IBTK: variants seen among roughly 807,000 people sequenced by gnomAD.
IBTK encodes inhibitor of Bruton tyrosine kinase.
In IBTK, 83 loss-of-function variants were observed where a neutral mutation model predicts 154.9. The observed-to-expected ratio is 0.54, with a 90% CI of 0.45 to 0.64. The LOEUF is 0.64. Ranked by LOEUF, IBTK falls within the 30% of genes least tolerant of loss-of-function variation. The pLI, the probability that IBTK is intolerant of heterozygous loss-of-function variation, is 0.00. For missense variants in IBTK, 1,332 were observed against 1,584.6 expected (o/e 0.84, Z 2.71); for synonymous variants, 515 against 536.1 (o/e 0.96, Z 0.54).
intron 24 of IBTK, 81 bp from the exon 25 acceptor site, chr6:82,191,297 A>G (rs987448958): frequency 9.6e-5 from 101 of 1,054,566 alleles, no homozygotes; most frequent in Non-Finnish European, 1.3e-4. Flanking sequence ...TAGAAATTAT[A>G]TCAATTAACA....
At chr6:82,224,587 GT>G (rs1315074191) in intron 6 of IBTK, among the ~76,000 whole-genome samples, 1 of 152,140 alleles carries the variant, frequency 6.6e-6, no homozygotes, top group Non-Finnish European at 1.5e-5. Context: ...TGGGCTAGAT[GT>G]TTTTTTGTCG....
intron 25 of IBTK, among the ~76,000 whole-genome samples, chr6:82,188,632 G>A (rs1768640845): frequency 6.6e-6 from 1 of 152,030 alleles, no homozygotes; most frequent in Admixed American, 6.6e-5. Context: ...ATAGAAAAAG[G>A]TATCATCAAC....
At chr6:82,235,858 A>C (rs553347119) in intron 2 of IBTK, among the ~76,000 whole-genome samples, 12 of 151,960 alleles carry the variant, frequency 7.9e-5, no homozygotes, top group African/African-American at 2.4e-4. Flanking sequence ...TTTGTTCATT[A>C]ATTTTTGTTG....
rs16893967 is a variant in IBTK, at chr6:82,172,386, C to T, written c.3924G>A (p.Leu1308=). The change falls in exon 28 of 29, where the codon CTG becomes CTA. Residue 1308 remains leucine, a synonymous_variant. Transcript: ENST00000306270. The stretch of plus-strand genomic sequence containing the variant: ...TACTAAGTATGTTATTTACCTGAAT[C>T]AGAGCCAACGGTTTTTCTCGACTTC... ...LIRSREKPLA[L]IQIEEHAIQD... is the part of the protein sequence containing the mutation. The T allele has an allele frequency of 2.6e-3, 4,128 of 1,612,938 alleles. 48 individuals are homozygous for T. In the African/African-American group the frequency reaches 0.032, roughly 12 times the overall value.
At chr6:82,183,041 G>A (rs529830601) in intron 25 of IBTK, among the ~76,000 whole-genome samples, 1 of 152,154 alleles carries the variant, frequency 6.6e-6, no homozygotes, top group African/African-American at 2.4e-5. Flanking sequence ...GTTTTAAGCT[G>A]TTGTTCAAGT....
chr6:82,214,869 T>G, intron 11 of IBTK, 40 bp from the exon 12 acceptor site: 1 of 1,512,388 alleles, frequency 6.6e-7, no homozygotes. Context: ...TCAAAAAATA[T>G]GAAGGAAATC....
Position 82,234,140 on chromosome 6 carries a change from A to G in IBTK, c.418+19T>C. 7.5e-7 allele frequency: 1 copy of G among 1,326,728 alleles called. No homozygotes were observed. The highest frequency in any genetic ancestry group is 1.5e-5 in the African/African-American group (1 of 68,566). 82.2% of individuals were successfully genotyped at this position (1,326,728 alleles called of 1,614,324 possible). A position where few individuals can be genotyped will look rare whatever the true frequency, so the allele number is the denominator to read the frequency against. ...AGGTGTGAGCCGCAGCGCCCAGCCC[A>G]TTTGTGAAATTTTCTTACCAGTATT... On this transcript the variant is annotated intron_variant, in intron 3 of 28. Transcript: ENST00000306270.
Position 82,234,242 on chromosome 6 carries a change from A to C in IBTK, c.335T>G (p.Leu112Arg). 1.3e-6 allele frequency: 2 copies of C among 1,544,196 alleles called. No individual in the cohort carries two copies. The highest frequency in any genetic ancestry group is 1.8e-6 in the Non-Finnish European group (2 of 1,135,972). Residue 112 changes from leucine to arginine, a missense_variant, in exon 3 of 29, where the codon CTG (leucine) becomes CGG (arginine). By Grantham distance (102) the Leu-to-Arg change is moderately radical (BLOSUM62 -2). Transcript: ENST00000306270. ...VWSLLKHGVS[L>R]YIQDKEGLSA... ...CAAGCCTTCTTTATCTTGAATATAC[A>C]GACTAACACCATGCTAAAACAAACA... is the stretch of plus-strand genomic sequence containing the variant.
At position 82,191,829 on chromosome 6, in the gene IBTK, T is replaced by C. The variant is rs750797126; in HGVS notation, c.3389A>G (p.Glu1130Gly). ...VDLRTIMEIEESRQKCGATPK... is the reference protein window; with the variant it reads ...VDLRTIMEIEGSRQKCGATPK... ...TGTAGCTCCACATTTTTGTCTACTT[T>C]CTTCTATTTCCATGATAGTTCTGAG... is the stretch of plus-strand genomic sequence containing the variant. Residue 1130 changes from glutamate (E) to glycine (G), a missense_variant, in exon 24 of 29, where the codon GAA (glutamate) becomes GGA (glycine). Glu to Gly is a moderately conservative substitution (Grantham distance 98). Transcript: ENST00000306270. The C allele has an allele frequency of 2.5e-6, 4 of 1,612,044 alleles. No individual in the cohort carries two copies. In the South Asian group the frequency reaches 3.3e-5, roughly 13 times the overall value.
At chr6:82,193,975 C>T (rs1768884854) in intron 23 of IBTK, among the ~76,000 whole-genome samples, 1 of 151,996 alleles carries the variant, frequency 6.6e-6, no homozygotes, top group South Asian at 2.1e-4. Context: ...AGCCACCATG[C>T]CCAGCCTTCA....
intron 4 of IBTK, 66 bp from the exon 5 acceptor site, chr6:82,227,368 G>T: frequency 2.2e-6 from 2 of 911,550 alleles, no homozygotes; most frequent in Non-Finnish European, 3.3e-6. Flanking sequence ...TTATGAAAAA[G>T]AAATAGAATA....
Position 82,218,644 on chromosome 6 carries a change from CA to C in IBTK, c.1249-508del, listed in dbSNP as rs533952697. On this transcript the variant is annotated intron_variant, in intron 9 of 28. Coordinates refer to ENST00000306270, the MANE Select transcript of IBTK (RefSeq NM_015525.4). ...AATTCAATGGTTGTAAATGGTTCTG[CA>C]AACCTCAGAGTCCCTGAAAAGTAGC... is the stretch of plus-strand genomic sequence containing the variant. Among the ~76,000 whole-genome samples the C allele has an allele frequency of 3.9e-5, 6 of 152,260 alleles. No individual in the cohort carries two copies. The South Asian group carries it at 1.2e-3, about 32-fold the overall frequency.
At position 82,170,640 on chromosome 6, in the gene IBTK, G is replaced by A. The variant is rs1466921866; in HGVS notation, c.*785C>T. ...ATATGTAATTAAGCATTTATTTTCA[G>A]AAATTTTAACACTTTCAGCAATTGA... is the stretch of plus-strand genomic sequence containing the variant. On this transcript the variant is annotated 3_prime_UTR_variant, in exon 29 of 29. Coordinates refer to ENST00000306270, the MANE Select transcript of IBTK (RefSeq NM_015525.4). 2 of 152,046 alleles carry A rather than the reference G, an allele frequency of 1.3e-5. No individual in the cohort carries two copies. Among genetic ancestry groups the A allele is most frequent in the African/African-American group, 4.8e-5 (2 of 41,402 alleles). 9.4% of individuals were successfully genotyped at this position (152,046 alleles called of 1,614,324 possible).
intron 20 of IBTK, 86 bp downstream of exon 20, chr6:82,200,501 T>C (rs1158381771): frequency 5.0e-6 from 6 of 1,192,862 alleles, no homozygotes; most frequent in African/African-American, 1.6e-5. Flanking sequence ...AAAAGTGTCA[T>C]ATGTCCAAGA....
chr6:82,173,478 G>C (rs1366421651), intron 26 of IBTK, 40 bp from the exon 27 acceptor site: 2 of 1,524,384 alleles, frequency 1.3e-6, no homozygotes, highest in Non-Finnish European at 1.8e-6. Context: ...AAAGCTTCTA[G>C]TAATATTAGT....
intron 4 of IBTK, among the ~76,000 whole-genome samples, chr6:82,228,267 G>C (rs1286119131): frequency 6.6e-6 from 1 of 151,932 alleles, no homozygotes; most frequent in Non-Finnish European, 1.5e-5. Flanking sequence ...AGAAAGTCAA[G>C]GTCCTTTGGA....
In IBTK at chr6:82,196,349, T is replaced by C. The variant is rs751397840; in HGVS notation, c.3123A>G (p.Arg1041=). The stretch of plus-strand genomic sequence containing the variant: ...TTGTGAAATCAGGGGACTGTAAATC[T>C]CTAGGACTACCCACTCCTGCATAGC... ...EGSYAGVGSP[R]DLQSPDFTTG... Residue 1041 remains arginine (R), a synonymous_variant, in exon 22 of 29, where the codon AGA becomes AGG. Transcript: ENST00000306270. 6.2e-7 allele frequency: 1 copy of C among 1,612,542 alleles called. No individual in the cohort carries two copies. The highest frequency in any genetic ancestry group is 8.5e-7 in the Non-Finnish European group (1 of 1,179,348).
intron 24 of IBTK, chr6:82,191,537 C>A: frequency 1.7e-6 from 1 of 583,930 alleles, no homozygotes; most frequent in Non-Finnish European, 3.0e-6. Context: ...CAATAGTCCA[C>A]AATGATCATT....
At chr6:82,238,500 C>A (rs928419275) in intron 2 of IBTK, among the ~76,000 whole-genome samples, 34 of 151,824 alleles carry the variant, frequency 2.2e-4, no homozygotes, top group Non-Finnish European at 1.5e-4. Flanking sequence ...TACAATGGTG[C>A]GATCTCAGCT....
Sources: allele counts gnomAD v4.1 joint callset (sites outside exome capture counted in the v4.1 genomes callset), GRCh38; gene constraint gnomAD v4.1.1; transcripts MANE v1.5; gene names NCBI Gene and HGNC (gene_info 2026-07-23, HGNC 2026-07-21).